SUMF1: variants seen among roughly 807,000 people sequenced by gnomAD.
SUMF1 encodes the protein formylglycine-generating enzyme.
A neutral mutation model predicts 47.6 loss-of-function variants in SUMF1; 48 were observed. The ratio of observed to expected loss-of-function variants is 1.01; its 90% confidence interval spans 0.80 to 1.28. The LOEUF (loss-of-function observed/expected upper bound fraction) is 1.28. Ranked by LOEUF, SUMF1 falls within the 50% of genes most tolerant of loss-of-function variation. SUMF1 has a pLI of 0.00. For missense variants in SUMF1, 571 were observed against 485.4 expected (o/e 1.18, Z -1.66); for synonymous variants, 230 against 192.1 (o/e 1.20, Z -1.63).
At chr3:4,323,233 CT>C (rs145370361) in intron 8 of SUMF1, among the ~76,000 whole-genome samples, 1,799 of 152,194 alleles carry the variant, frequency 0.012, 17 homozygotes, top group African/African-American at 0.036. Context: ...AAAAAATGCC[CT>C]TGATATGGAT....
At chr3:4,200,023 C>T (rs887216970) in intron 8 of SUMF1, among the ~76,000 whole-genome samples, 1 of 152,050 alleles carries the variant, frequency 6.6e-6, no homozygotes, top group East Asian at 1.9e-4. Flanking sequence ...AAGGTCACAA[C>T]ATAAAGGTTC....
chr3:4,195,554 A>G (rs1007951382), intron 8 of SUMF1, among the ~76,000 whole-genome samples: 4 of 152,264 alleles, frequency 2.6e-5, no homozygotes, highest in South Asian at 2.1e-4. Flanking sequence ...ATGTAGAGAG[A>G]GCAGAAAGAA....
chr3:4,465,251 C>T lies in SUMF1; in HGVS notation c.270+1725G>A, dbSNP rs142309080. Among the ~76,000 whole-genome samples the T allele has an allele frequency of 4.0e-4, 61 of 152,206 alleles. 1 individual carries two copies. The highest frequency in any genetic ancestry group is 1.4e-3 in the African/African-American group (57 of 41,530). ...CAGCACGCTGGGAGGCCAAGGCAAG[C>T]GGATCACAAGGTCAGGAGATTGAGA... is the stretch of plus-strand genomic sequence containing the variant. On this transcript the variant is annotated intron_variant, in intron 1 of 8. Coordinates refer to ENST00000272902, the MANE Select transcript of SUMF1 (RefSeq NM_182760.4).
At chr3:4,222,564 A>G (rs1696090468) in intron 8 of SUMF1, among the ~76,000 whole-genome samples, 1 of 151,914 alleles carries the variant, frequency 6.6e-6, no homozygotes, top group Non-Finnish European at 1.5e-5. Flanking sequence ...TCCCCTCAGC[A>G]GCCCCCACAC....
At chr3:4,254,151 C>A (rs1163275413) in intron 8 of SUMF1, among the ~76,000 whole-genome samples, 3 of 151,930 alleles carry the variant, frequency 2.0e-5, no homozygotes, top group Non-Finnish European at 4.4e-5. Context: ...AAAAAAACCA[C>A]AAAGATGGGG....
chr3:4,168,091 A>G (rs897417461), intron 8 of SUMF1, among the ~76,000 whole-genome samples: 1 of 152,084 alleles, frequency 6.6e-6, no homozygotes, highest in Non-Finnish European at 1.5e-5. Flanking sequence ...CAGAGCCTCT[A>G]TTTTCAGGGA....
In SUMF1 at chr3:4,325,045, A is replaced by C. The variant is rs150499892; in HGVS notation, c.1014+51285T>G. 1.5e-3 allele frequency among the ~76,000 whole-genome samples: 222 copies of C among 152,274 alleles called. 1 individual carries two copies. The highest frequency in any genetic ancestry group is 5.2e-3 in the African/African-American group (216 of 41,570). ...TTTGTGCAGGAAAACTCTCCCTTAC[A>C]AAACCATCAGATCTCATGAAACTTA... On this transcript the variant is annotated intron_variant and NMD_transcript_variant, in intron 8 of 12. Coordinates refer to the SUMF1 transcript ENST00000448413.
intron 8 of SUMF1, among the ~76,000 whole-genome samples, chr3:4,082,980 A>T (rs1044174633): frequency 2.6e-5 from 4 of 152,152 alleles, no homozygotes. Flanking sequence ...TTCATATTTA[A>T]AAGTTCCTCC....
chr3:4,271,331 A>C (rs1697297266), intron 8 of SUMF1, among the ~76,000 whole-genome samples: 1 of 152,136 alleles, frequency 6.6e-6, no homozygotes, highest in South Asian at 2.1e-4. Context: ...TCCATGTCTT[A>C]TGCACCATAT....
At chr3:4,432,729 A>G (rs1343427565) in intron 3 of SUMF1, among the ~76,000 whole-genome samples, 3 of 152,212 alleles carry the variant, frequency 2.0e-5, no homozygotes, top group Admixed American at 6.5e-5. Flanking sequence ...CATCACAGTC[A>G]GTTATAAATT....
At chr3:4,383,321 G>A (rs1700570221) in intron 7 of SUMF1, among the ~76,000 whole-genome samples, 1 of 152,200 alleles carries the variant, frequency 6.6e-6, no homozygotes, top group African/African-American at 2.4e-5. Context: ...GGAGGCTGCA[G>A]TGAGCCAAGA....
intron 8 of SUMF1, among the ~76,000 whole-genome samples, chr3:4,183,947 G>C (rs1485456065): frequency 6.6e-6 from 1 of 151,952 alleles, no homozygotes; most frequent in African/African-American, 2.4e-5. Flanking sequence ...TGGCCAACAT[G>C]GTGAAATCCC....
At chr3:4,132,296 G>A (rs1693810910) in intron 8 of SUMF1, among the ~76,000 whole-genome samples, 1 of 152,096 alleles carries the variant, frequency 6.6e-6, no homozygotes, top group South Asian at 2.1e-4. Context: ...TGCAGCTGTG[G>A]ACTCATGCTC....
chr3:4,210,820 C>G (rs116249021), intron 8 of SUMF1, among the ~76,000 whole-genome samples: 2 of 151,732 alleles, frequency 1.3e-5, no homozygotes, highest in Admixed American at 6.6e-5. Context: ...ACATTTGTGT[C>G]GCTGGGCTGG....
At chr3:4,253,740 C>G (rs1270422750) in intron 8 of SUMF1, among the ~76,000 whole-genome samples, 5 of 146,312 alleles carry the variant, frequency 3.4e-5, no homozygotes, top group Admixed American at 6.8e-5. Flanking sequence ...CCAGGAAGCT[C>G]GAATTGGGTG....
chr3:4,440,134 G>C (rs56298543), intron 3 of SUMF1, among the ~76,000 whole-genome samples: 49,600 of 151,334 alleles, frequency 0.33, 8,948 homozygotes, highest in East Asian at 0.42. Context: ...TACTTGGGAG[G>C]CTGAGGCAGG....
At chr3:4,319,187 G>A (rs1046129553) in intron 8 of SUMF1, among the ~76,000 whole-genome samples, 8 of 152,164 alleles carry the variant, frequency 5.3e-5, no homozygotes, top group African/African-American at 1.9e-4. Flanking sequence ...CTCTTTAGAA[G>A]ACAGTTTGGT....
At chr3:4,043,193 TCCCCATGCTCA>T (rs1243938136) in intron 9 of SUMF1, among the ~76,000 whole-genome samples, 1 of 152,002 alleles carries the variant, frequency 6.6e-6, no homozygotes, top group Non-Finnish European at 1.5e-5. Context: ...GAACACTGGA[TCCCCATGCTCA>T]CCCCATGCTC....
At chr3:4,225,093 G>A (rs1028198867) in intron 8 of SUMF1, among the ~76,000 whole-genome samples, 11 of 146,744 alleles carry the variant, frequency 7.5e-5, no homozygotes, top group African/African-American at 2.1e-4. Context: ...AGAAAGACAA[G>A]GGAGCATTTG....
Sources: gnomAD v4.1 joint callset for allele counts (sites outside exome capture counted in the v4.1 genomes callset) on GRCh38, gnomAD v4.1.1 for gene constraint, MANE v1.5 for transcripts, NCBI Gene and HGNC (gene_info 2026-07-23, HGNC 2026-07-21) for gene names.